The following EYS variants were observed in gnomAD, a reference collection of about 807,000 sequenced individuals.
EYS encodes protein eyes shut homolog.
Under a neutral mutation model 282.1 loss-of-function variants are expected in EYS, and 250 were observed. The ratio of observed to expected loss-of-function variants is 0.89; its 90% confidence interval spans 0.80 to 0.98. The LOEUF (loss-of-function observed/expected upper bound fraction) is 0.98, where lower values mean the gene tolerates loss of function less well. Ranked by LOEUF, EYS falls within the 50% of genes least tolerant of loss-of-function variation. EYS has a pLI of 0.00. For missense variants in EYS, 4,016 were observed against 3,709.0 expected, an observed-to-expected ratio of 1.08 and a Z score of -2.15; for synonymous variants, 1,355 against 1,282.9, an observed-to-expected ratio of 1.06 and a Z score of -1.20.
At chr6:65,611,355 C>T (rs929425085) in intron 2 of EYS, among the ~76,000 whole-genome samples, 1 of 151,770 alleles carries the variant, frequency 6.6e-6, no homozygotes, top group African/African-American at 2.4e-5. Context: ...ACTCTAAGAA[C>T]ATAAATAAAT....
chr6:64,862,438 C>G (rs1192612892), intron 19 of EYS, among the ~76,000 whole-genome samples: 1 of 152,120 alleles, frequency 6.6e-6, no homozygotes, highest in African/African-American at 2.4e-5. Flanking sequence ...GAGCAGAAAA[C>G]AATTTTTGAT....
chr6:64,436,325 A>G lies in EYS; in HGVS notation c.5836-60T>C, dbSNP rs1046775020. ...TTTCAGCATGAAATTAATACCATAT[A>G]TTTGCACTGGACTTTATTATTTATC... is the stretch of plus-strand genomic sequence containing the variant. On this transcript the variant is annotated intron_variant, in intron 27 of 42. Transcript: ENST00000503581. The G allele has an allele frequency of 1.9e-5, 16 of 825,374 alleles. No individual in the cohort carries two copies. In the African/African-American group the frequency reaches 2.2e-4, roughly 11 times the overall value. The allele number at this position is 825,374 out of a possible 1,614,324, so 51.1% of individuals were successfully genotyped here. A position where few individuals can be genotyped will look rare whatever the true frequency, so the allele number is the denominator to read the frequency against.
At chr6:64,307,355 G>T (rs1411034327) in intron 29 of EYS, among the ~76,000 whole-genome samples, 1 of 151,998 alleles carries the variant, frequency 6.6e-6, no homozygotes, top group East Asian at 1.9e-4. Flanking sequence ...CAAACACAAT[G>T]CTATTCAACC....
intron 28 of EYS, among the ~76,000 whole-genome samples, chr6:64,395,322 C>T (rs1476562101): frequency 6.6e-6 from 1 of 152,108 alleles, no homozygotes; most frequent in Admixed American, 6.5e-5. Flanking sequence ...GCTATAAAGA[C>T]GCATGCACAC....
At chr6:65,465,028 C>A (rs949834430) in intron 5 of EYS, among the ~76,000 whole-genome samples, 1 of 151,996 alleles carries the variant, frequency 6.6e-6, no homozygotes, top group Non-Finnish European at 1.5e-5. Flanking sequence ...AGAATAGAAC[C>A]ATTGTTCTGA....
chr6:64,703,388 C>CAG (rs1280112550), intron 22 of EYS, among the ~76,000 whole-genome samples: 5 of 26,328 alleles, frequency 1.9e-4, no homozygotes, highest in Non-Finnish European at 2.8e-4. Flanking sequence ...CACAGACACA[C>CAG]ACACACACAC....
chr6:65,234,522 A>G (rs747826211), intron 12 of EYS, among the ~76,000 whole-genome samples: 1 of 152,180 alleles, frequency 6.6e-6, no homozygotes, highest in Non-Finnish European at 1.5e-5. Context: ...GAAGATCACC[A>G]TCATTTCTAC....
chr6:65,251,325 G>A (rs373974009), intron 12 of EYS, among the ~76,000 whole-genome samples: 5 of 151,322 alleles, frequency 3.3e-5, no homozygotes, highest in South Asian at 4.2e-4. Context: ...TTTGATCAAC[G>A]TATGTAAAAT....
chr6:64,558,242 G>A (rs928582762), intron 26 of EYS, among the ~76,000 whole-genome samples: 2 of 143,084 alleles, frequency 1.4e-5, no homozygotes, highest in East Asian at 4.8e-4. Context: ...TGAGCATTCT[G>A]CTTTACAAAA....
At chr6:64,946,201 A>C (rs189936875) in intron 14 of EYS, among the ~76,000 whole-genome samples, 233 of 152,144 alleles carry the variant, frequency 1.5e-3, no homozygotes, top group African/African-American at 5.4e-3. Flanking sequence ...TCTTTGTTAA[A>C]TGTTTTAAAA....
chr6:65,500,350 T>G (rs1025946154), intron 2 of EYS, among the ~76,000 whole-genome samples: 3 of 152,052 alleles, frequency 2.0e-5, no homozygotes, highest in African/African-American at 7.2e-5. Context: ...CCTTGCATTT[T>G]GTTAAGAAAA....
chr6:64,455,453 T>G (rs986830123), intron 26 of EYS, among the ~76,000 whole-genome samples: 4 of 152,110 alleles, frequency 2.6e-5, no homozygotes, highest in Non-Finnish European at 4.4e-5. Context: ...TATTTTATTT[T>G]ATTTTAAGTT....
chr6:65,224,735 T>G (rs1766574091), intron 12 of EYS, among the ~76,000 whole-genome samples: 1 of 152,250 alleles, frequency 6.6e-6, no homozygotes, highest in East Asian at 1.9e-4. Context: ...ACTGCTATTT[T>G]AACAGAAATA....
At chr6:63,990,807 C>A (rs764987327) in intron 34 of EYS, among the ~76,000 whole-genome samples, 2 of 151,436 alleles carry the variant, frequency 1.3e-5, no homozygotes, top group Non-Finnish European at 3.0e-5. Context: ...CTGGGGACTG[C>A]TGAGAAAAAA....
At chr6:65,618,323 ATG>A (rs1329548450) in intron 2 of EYS, among the ~76,000 whole-genome samples, 1 of 152,322 alleles carries the variant, frequency 6.6e-6, no homozygotes, top group Non-Finnish European at 1.5e-5. Flanking sequence ...GCATTTTTTC[ATG>A]TGTTTTTCGG....
intron 11 of EYS, among the ~76,000 whole-genome samples, chr6:65,305,251 G>A (rs1170105099): frequency 2.0e-5 from 3 of 152,190 alleles, no homozygotes; most frequent in African/African-American, 7.2e-5. Context: ...GTGAAAGGGT[G>A]CAAGCAAACT....
At chr6:64,636,560 C>T (rs1257250607) in intron 22 of EYS, among the ~76,000 whole-genome samples, 1 of 152,102 alleles carries the variant, frequency 6.6e-6, no homozygotes, top group East Asian at 1.9e-4. Context: ...ACACCAAAAG[C>T]AATGGCAACA....
chr6:64,443,810 G>A (rs1379996694), intron 26 of EYS, among the ~76,000 whole-genome samples: 2 of 152,156 alleles, frequency 1.3e-5, no homozygotes, highest in Admixed American at 1.3e-4. Context: ...CCCCAGCCAT[G>A]TGGAACTGTA....
At chr6:65,145,693 T>C (rs1036202948) in intron 12 of EYS, among the ~76,000 whole-genome samples, 3 of 152,044 alleles carry the variant, frequency 2.0e-5, no homozygotes, top group Admixed American at 6.6e-5. Flanking sequence ...CACTGGTATT[T>C]ATTCAGTAAT....
Sources: allele counts gnomAD v4.1 joint callset (sites outside exome capture counted in the v4.1 genomes callset), GRCh38; gene constraint gnomAD v4.1.1; transcripts MANE v1.5; gene names NCBI Gene and HGNC (gene_info 2026-07-23, HGNC 2026-07-21).